Variants in RHBDD1 observed in about 807,000 individuals in gnomAD.
RHBDD1 encodes the protein rhomboid-related protein 4.
In RHBDD1, 38 loss-of-function variants were observed where a neutral mutation model predicts 36.3. That is an observed-to-expected ratio of 1.05 (90% CI 0.81 to 1.37). The LOEUF is 1.37. Among genes scored for constraint, RHBDD1 ranks in the 40% most tolerant of loss-of-function variants. The probability of loss-of-function intolerance (pLI) is 0.00; values close to 1 mark genes in which losing one functional copy is unlikely to be tolerated. For synonymous variants in RHBDD1, 151 were observed against 136.5 expected, an observed-to-expected ratio of 1.11 and a Z score of -0.74; for missense variants, 393 against 377.6, an observed-to-expected ratio of 1.04 and a Z score of -0.34.
intron 8 of RHBDD1, among the ~76,000 whole-genome samples, chr2:226,980,005 A>G (rs72967789): frequency 0.033 from 5,065 of 152,260 alleles, 114 homozygotes; most frequent in Non-Finnish European, 0.051. Flanking sequence ...GAAGGTGTCA[A>G]GGAAGACTCT....
At chr2:226,976,028 G>A (rs1212522543) in intron 8 of RHBDD1, among the ~76,000 whole-genome samples, 2 of 151,828 alleles carry the variant, frequency 1.3e-5, no homozygotes, top group African/African-American at 4.8e-5. Context: ...AGCAGGGCCT[G>A]TCTGGTCACA....
chr2:226,949,460 C>G (rs1951266174), intron 8 of RHBDD1, among the ~76,000 whole-genome samples: 1 of 152,070 alleles, frequency 6.6e-6, no homozygotes, highest in Non-Finnish European at 1.5e-5. Context: ...GTGGACATTG[C>G]TGGGAGGCTG....
the RHBDD1 span, chr2:226,805,202 G>A: frequency 1.3e-5 from 2 of 152,092 alleles, no homozygotes; most frequent in South Asian, 2.1e-4. Flanking sequence ...CAGCTGTTTT[G>A]TTTGTTTGTT....
chr2:226,820,312 A>G, the RHBDD1 span, among the ~76,000 whole-genome samples: 1 of 152,136 alleles, frequency 6.6e-6, no homozygotes, highest in Admixed American at 6.5e-5. Flanking sequence ...TTTAAAAAGG[A>G]AGTCATAAAC....
At chr2:226,857,805 T>G (rs946213699) in intron 3 of RHBDD1, among the ~76,000 whole-genome samples, 1 of 152,132 alleles carries the variant, frequency 6.6e-6, no homozygotes, top group Admixed American at 6.5e-5. Context: ...TGACTGCTAA[T>G]GGGTATGGGG....
chr2:226,958,277 C>T (rs1460851836), intron 8 of RHBDD1, among the ~76,000 whole-genome samples: 2 of 152,148 alleles, frequency 1.3e-5, no homozygotes, highest in Non-Finnish European at 2.9e-5. Flanking sequence ...GAGCCAATGA[C>T]ACATGGCCAC....
At chr2:226,818,839 C>CAAAACA in the RHBDD1 span, among the ~76,000 whole-genome samples, 3 of 151,624 alleles carry the variant, frequency 2.0e-5, no homozygotes, top group South Asian at 2.1e-4. Flanking sequence ...GAATCCATCT[C>CAAAACA]AAAACAAAAA....
chr2:226,801,645 C>T, the RHBDD1 span, among the ~76,000 whole-genome samples: 6 of 152,180 alleles, frequency 3.9e-5, no homozygotes, highest in Non-Finnish European at 8.8e-5. Flanking sequence ...TGTGGGCACA[C>T]GTGCCCACTA....
intron 8 of RHBDD1, among the ~76,000 whole-genome samples, chr2:226,934,265 G>A (rs1917125): frequency 0.46 from 69,514 of 151,888 alleles, 16,112 homozygotes; most frequent in African/African-American, 0.52. Flanking sequence ...GAGGTTTGTA[G>A]CCTAGGAGCA....
At chr2:226,883,314 G>C (rs1196977766) in intron 5 of RHBDD1, among the ~76,000 whole-genome samples, 1 of 152,282 alleles carries the variant, frequency 6.6e-6, no homozygotes, top group East Asian at 1.9e-4. Context: ...GGCCTGCTGT[G>C]GTTCCATTTA....
chr2:226,935,964 C>T (rs764198525), intron 8 of RHBDD1, among the ~76,000 whole-genome samples: 5 of 152,102 alleles, frequency 3.3e-5, no homozygotes, highest in Non-Finnish European at 7.4e-5. Context: ...TCACTGCTGC[C>T]TTGCTTGGCA....
At chr2:226,974,517 G>A (rs970279868) in intron 8 of RHBDD1, among the ~76,000 whole-genome samples, 4 of 152,152 alleles carry the variant, frequency 2.6e-5, no homozygotes, top group South Asian at 4.1e-4. Context: ...GATTACAGGC[G>A]TGAGCCACCG....
chr2:226,996,306 C>G lies in RHBDD1; in HGVS notation c.*784C>G, dbSNP rs959120683. 1 of 152,170 alleles carries G rather than the reference C, an allele frequency of 6.6e-6. No individual in the cohort carries two copies. The highest frequency in any genetic ancestry group is 6.5e-5 in the Admixed American group (1 of 15,280). 9.4% of individuals were successfully genotyped at this position (152,170 alleles called of 1,614,324 possible). A position where few individuals can be genotyped will look rare whatever the true frequency, so the allele number is the denominator to read the frequency against. On this transcript the variant is annotated 3_prime_UTR_variant, in exon 9 of 9. Transcript: ENST00000392062. ...AGCAGATGCCACATACAGAGTAGAG[C>G]GAAGGCATTTGGTGGATCGGTCACT...
At chr2:226,851,543 C>T (rs1244676070) in intron 3 of RHBDD1, among the ~76,000 whole-genome samples, 1 of 152,044 alleles carries the variant, frequency 6.6e-6, no homozygotes, top group Non-Finnish European at 1.5e-5. Context: ...GAAATAGTCC[C>T]TCCAGTTATT....
rs1218595803 is a variant in RHBDD1, at chr2:226,908,637, G to GCA, written c.656-185_656-184insCA. On this transcript the variant is annotated intron_variant, in intron 6 of 8. Transcript: ENST00000392062. The stretch of plus-strand genomic sequence containing the variant: ...CACACACACATTCTTTTCCCTGTAG[G>GCA]GACACACACACACTCTTTTCCAGTT... 7.8e-4 allele frequency: 399 copies of GCA among 512,656 alleles called. 5 individuals carry two copies. The South Asian group carries it at 9.5e-3, about 12-fold the overall frequency. 31.8% of individuals were successfully genotyped at this position (512,656 alleles called of 1,614,324 possible).
At chr2:226,875,104 G>T (rs1031634564) in intron 5 of RHBDD1, among the ~76,000 whole-genome samples, 2 of 151,976 alleles carry the variant, frequency 1.3e-5, no homozygotes, top group Non-Finnish European at 2.9e-5. Flanking sequence ...TTCTTTCTAG[G>T]CTATGAGCTT....
chr2:226,818,326 A>AT, the RHBDD1 span, among the ~76,000 whole-genome samples: 1,006 of 145,420 alleles, frequency 6.9e-3, 12 homozygotes, highest in African/African-American at 0.023. Flanking sequence ...CACCTGGCTA[A>AT]TTTTTTTTTT....
intron 8 of RHBDD1, chr2:226,935,276 G>A (rs1357402992): frequency 3.3e-5 from 5 of 152,114 alleles, no homozygotes; most frequent in Admixed American, 3.3e-4. Context: ...GTAGTGCTTT[G>A]TTAACAGAGC....
At chr2:226,896,761 G>A (rs16822890) in intron 5 of RHBDD1, among the ~76,000 whole-genome samples, 66,185 of 151,926 alleles carry the variant, frequency 0.44, 14,602 homozygotes, top group South Asian at 0.5. Flanking sequence ...TTCTAAATCC[G>A]TGCAGCACCC....
Sources: allele counts gnomAD v4.1 joint callset (sites outside exome capture counted in the v4.1 genomes callset), GRCh38; gene constraint gnomAD v4.1.1; transcripts MANE v1.5; gene names NCBI Gene and HGNC (gene_info 2026-07-23, HGNC 2026-07-21).